Variants in NKAIN2 observed in about 807,000 individuals in gnomAD.
NKAIN2 encodes sodium/potassium-transporting ATPase subunit beta-1-interacting protein 2.
NKAIN2 carries 14 observed loss-of-function variants against 32.6 expected under a neutral mutation model. The observed-to-expected ratio is 0.43, with a 90% confidence interval of 0.28 to 0.67. The LOEUF is 0.67. NKAIN2 is among the 30% of genes least tolerant of loss of function. The pLI, the probability that NKAIN2 is intolerant of heterozygous loss-of-function variation, is 0.17. For synonymous variants in NKAIN2, 80 were observed against 87.2 expected (o/e 0.92, Z 0.46); for missense variants, 198 against 258.3 (o/e 0.77, Z 1.60).
chr6:124,302,685 T>G (rs888597787), intron 2 of NKAIN2, among the ~76,000 whole-genome samples: 6 of 152,108 alleles, frequency 3.9e-5, no homozygotes, highest in African/African-American at 1.4e-4. Context: ...GTAAAAGGTA[T>G]GCAATATATA....
Position 124,223,212 on chromosome 6 carries a change from C to CAA in NKAIN2, c.55-59768_55-59767dup, listed in dbSNP as rs369262954. On this transcript the variant is annotated intron_variant, in intron 1 of 6. Transcript: ENST00000368417. ...TGGGCGACAGTGTGAGACTCCATCT[C>CAA]AAAAAAAAAAAAAAAAAAAAAAAAA... Among the ~76,000 whole-genome samples the CAA allele has an allele frequency of 4.7e-3, 321 of 68,212 alleles. 20 individuals carry two copies. The highest frequency in any genetic ancestry group is 0.014 in the African/African-American group (238 of 17,020). 44.7% of individuals were successfully genotyped at this position (68,212 alleles called of 152,430 possible).
At position 124,465,660 on chromosome 6, in the gene NKAIN2, C is replaced by A. The variant is rs867310521; in HGVS notation, c.273+110313C>A. ...AAAAAAAAAAAAGAAATTCCTTTGA[C>A]AAGGAACCTCAATTTCTTTGTCTAT... On this transcript the variant is annotated intron_variant, in intron 3 of 6. Transcript: ENST00000368417. 1.4e-3 allele frequency among the ~76,000 whole-genome samples: 214 copies of A among 148,314 alleles called. 1 individual carries two copies. Among genetic ancestry groups the A allele is most frequent in the African/African-American group, 5.1e-3 (204 of 40,380 alleles).
intron 1 of NKAIN2, among the ~76,000 whole-genome samples, chr6:124,026,369 G>A (rs984251739): frequency 2.1e-5 from 3 of 145,570 alleles, no homozygotes; most frequent in Admixed American, 7.0e-5. Flanking sequence ...TGAATTGCAG[G>A]GCTGTCTATT....
At chr6:124,132,413 G>A (rs1001609637) in intron 1 of NKAIN2, among the ~76,000 whole-genome samples, 1 of 152,154 alleles carries the variant, frequency 6.6e-6, no homozygotes, top group Non-Finnish European at 1.5e-5. Context: ...ACTTCCCCTG[G>A]GTAACTTAGG....
intron 3 of NKAIN2, among the ~76,000 whole-genome samples, chr6:124,572,665 GA>G (rs1218401429): frequency 4.6e-5 from 7 of 151,236 alleles, no homozygotes; most frequent in African/African-American, 1.7e-4. Flanking sequence ...AATTATATTA[GA>G]AGGAGCCATA....
At chr6:124,348,722 CTAGGG>C (rs1798568008) in intron 2 of NKAIN2, among the ~76,000 whole-genome samples, 1 of 152,200 alleles carries the variant, frequency 6.6e-6, no homozygotes, top group African/African-American at 2.4e-5. Flanking sequence ...GTTCATCTCA[CTAGGG>C]AGTGCCAGAC....
In NKAIN2 at chr6:124,369,149, C is replaced by T. The variant is rs537281426; in HGVS notation, c.273+13802C>T. On this transcript the variant is annotated intron_variant, in intron 3 of 6. Transcript: ENST00000368417. ...AAAATAATAACAAATATGAACATGACGTAAGCAATTACCATCCTTGTTTGT... is the reference window on the plus strand; with the variant it reads ...AAAATAATAACAAATATGAACATGATGTAAGCAATTACCATCCTTGTTTGT... Among the ~76,000 whole-genome samples the T allele has an allele frequency of 5.9e-5, 9 of 152,138 alleles. No homozygotes were observed. In the South Asian group the frequency reaches 1.2e-3, roughly 21 times the overall value.
intron 1 of NKAIN2, among the ~76,000 whole-genome samples, chr6:123,910,792 C>T (rs1562252767): frequency 6.6e-6 from 1 of 152,010 alleles, no homozygotes; most frequent in Non-Finnish European, 1.5e-5. Context: ...TTGTGAGCCA[C>T]CACACCCGGC....
At chr6:124,349,566 A>G (rs1798616547) in intron 2 of NKAIN2, among the ~76,000 whole-genome samples, 2 of 152,290 alleles carry the variant, frequency 1.3e-5, no homozygotes, top group South Asian at 4.1e-4. Flanking sequence ...ATTCTGTAAT[A>G]TTTCCCTGTA....
rs1427022192 is a variant in NKAIN2 at position 123,902,440 on chromosome 6, A to G, written c.54+98186A>G. 3.9e-5 allele frequency among the ~76,000 whole-genome samples: 6 copies of G among 152,304 alleles called. 1 individual carries two copies. ...CTACATCTAGTGTGATGTTGGTGGT[A>G]CAGCTACTTCAGTATCTACATGTTG... is the stretch of plus-strand genomic sequence containing the variant. On this transcript the variant is annotated intron_variant, in intron 1 of 6. Transcript: ENST00000368417.
intron 1 of NKAIN2, among the ~76,000 whole-genome samples, chr6:123,809,366 G>A (rs974148499): frequency 1.3e-5 from 2 of 151,816 alleles, no homozygotes; most frequent in African/African-American, 4.8e-5. Context: ...GATAGAATAA[G>A]TACTCTATTT....
chr6:123,880,623 A>G (rs143675441), intron 1 of NKAIN2, among the ~76,000 whole-genome samples: 2,747 of 152,332 alleles, frequency 0.018, 31 homozygotes, highest in Middle Eastern at 0.044. Flanking sequence ...AAGGAACTCT[A>G]AAAGATGGAA....
At position 123,948,597 on chromosome 6, in the gene NKAIN2, A is replaced by ATTTTTTTTTT. The variant is rs71021472; in HGVS notation, c.54+144366_54+144375dup. Among the ~76,000 whole-genome samples, 14 of 49,314 alleles carry ATTTTTTTTTT rather than the reference A, an allele frequency of 2.8e-4. 1 individual carries two copies. The highest frequency in any genetic ancestry group is 1.7e-3 in the East Asian group (2 of 1,168). 32.4% of individuals were successfully genotyped at this position (49,314 alleles called of 152,430 possible). A position where few individuals can be genotyped will look rare whatever the true frequency, so the allele number is the denominator to read the frequency against. On this transcript the variant is annotated intron_variant, in intron 1 of 6. Transcript: ENST00000368417. ...AAATCGTTTCCCCATCTTAAATGGG[A>ATTTTTTTTTT]TTTTTTTTTTTTTTTTTTTTTTTTT...
intron 4 of NKAIN2, among the ~76,000 whole-genome samples, chr6:124,733,729 G>GCTA (rs1776798329): frequency 1.3e-5 from 2 of 151,556 alleles, no homozygotes; most frequent in African/African-American, 4.8e-5. Flanking sequence ...ATATTTAGCT[G>GCTA]AATATAGATG....
intron 4 of NKAIN2, among the ~76,000 whole-genome samples, chr6:124,722,134 T>TGTCATGTGTCACATTGTTTATCAATG (rs1776052168): frequency 1.3e-5 from 2 of 152,230 alleles, no homozygotes; most frequent in Non-Finnish European, 2.9e-5. Flanking sequence ...TTTATCAATG[T>TGTCATGTGTCACATTGTTTATCAATG]TGTAGCATGT....
Position 123,921,228 on chromosome 6 carries a change from T to C in NKAIN2, c.54+116974T>C, listed in dbSNP as rs570855389. Reference sequence around the variant, plus strand: ...GTTTGTTTGCCCATCTGAAAGGCAGTCCCTTCTCAGATATCCAAGTGAAAT... The same window carrying C: ...GTTTGTTTGCCCATCTGAAAGGCAGCCCCTTCTCAGATATCCAAGTGAAAT... On this transcript the variant is annotated intron_variant, in intron 1 of 6. Coordinates refer to ENST00000368417, the MANE Select transcript of NKAIN2 (RefSeq NM_001040214.3). 9.2e-5 allele frequency among the ~76,000 whole-genome samples: 14 copies of C among 152,334 alleles called. No homozygotes were observed. In the South Asian group the frequency reaches 2.1e-3, roughly 23 times the overall value.
At chr6:123,885,079 A>T (rs1458379697) in intron 1 of NKAIN2, among the ~76,000 whole-genome samples, 1 of 152,142 alleles carries the variant, frequency 6.6e-6, no homozygotes, top group Non-Finnish European at 1.5e-5. Context: ...CACAAATTAG[A>T]CTTTTAAAAT....
chr6:124,115,435 T>C (rs1028044723), intron 1 of NKAIN2, among the ~76,000 whole-genome samples: 3 of 152,072 alleles, frequency 2.0e-5, no homozygotes, highest in African/African-American at 7.2e-5. Context: ...ATGAGCGAAG[T>C]TCAAGCCTTA....
chr6:124,098,575 T>C (rs1784741846), intron 1 of NKAIN2, among the ~76,000 whole-genome samples: 1 of 152,006 alleles, frequency 6.6e-6, no homozygotes, highest in Non-Finnish European at 1.5e-5. Flanking sequence ...GTTTTGTCAA[T>C]AGAAAAATGA....
Sources: allele counts gnomAD v4.1 joint callset (sites outside exome capture counted in the v4.1 genomes callset), GRCh38; gene constraint gnomAD v4.1.1; transcripts MANE v1.5; gene names NCBI Gene and HGNC (gene_info 2026-07-23, HGNC 2026-07-21).